CLVS2: variants seen among roughly 807,000 people sequenced by gnomAD.
The protein encoded by CLVS2 is clavesin 2.
A neutral mutation model predicts 29.0 loss-of-function variants in CLVS2; 19 were observed. The observed-to-expected ratio is 0.66, with a 90% CI of 0.46 to 0.96. CLVS2 has a LOEUF of 0.96. CLVS2 is among the 40% of genes least tolerant of loss of function. The probability of loss-of-function intolerance (pLI) is 0.00; values close to 1 mark genes in which losing one functional copy is unlikely to be tolerated. For missense variants in CLVS2, 294 were observed against 404.1 expected (o/e 0.73, Z 2.34); for synonymous variants, 161 against 151.3 (o/e 1.06, Z -0.47).
At chr6:123,026,285 T>G in intron 3 of CLVS2, among the ~76,000 whole-genome samples, 1 of 152,200 alleles carries the variant, frequency 6.6e-6, no homozygotes, top group Non-Finnish European at 1.5e-5. Context: ...TGAAATTTTC[T>G]TTTTTATTTT....
chr6:123,017,225 C>T (rs1188123010), intron 3 of CLVS2, among the ~76,000 whole-genome samples: 1 of 151,922 alleles, frequency 6.6e-6, no homozygotes, highest in East Asian at 1.9e-4. Flanking sequence ...GTGTTCTTTG[C>T]AGTGGTTGTT....
intron 3 of CLVS2, among the ~76,000 whole-genome samples, chr6:123,038,891 A>G (rs1055101941): frequency 1.3e-5 from 2 of 152,222 alleles, no homozygotes; most frequent in Non-Finnish European, 1.5e-5. Flanking sequence ...GCCCAAATTA[A>G]TGATAATTTT....
In CLVS2 at chr6:123,022,607, C is replaced by T. The variant is rs183906544; in HGVS notation, c.564+11448C>T. The stretch of plus-strand genomic sequence containing the variant: ...TGGATCCCCAGAGAGGTCTTTTTCC[C>T]CCCCCAGGGTAAAATATGGAAGAAA... On this transcript the variant is annotated intron_variant, in intron 3 of 5. Transcript: ENST00000275162. Among the ~76,000 whole-genome samples the T allele has an allele frequency of 2.3e-3, 345 of 151,982 alleles. 1 individual carries two copies. Among genetic ancestry groups the T allele is most frequent in the African/African-American group, 7.9e-3 (328 of 41,482 alleles).
At chr6:123,046,089 A>C (rs1376273365) in intron 3 of CLVS2, among the ~76,000 whole-genome samples, 1 of 152,104 alleles carries the variant, frequency 6.6e-6, no homozygotes, top group Non-Finnish European at 1.5e-5. Context: ...GAAAGAAAGA[A>C]ATCAAGGGCT....
chr6:123,009,038 C>T (rs1362122791), intron 2 of CLVS2, among the ~76,000 whole-genome samples: 3 of 152,126 alleles, frequency 2.0e-5, no homozygotes, highest in East Asian at 1.9e-4. Context: ...TAAACTATAT[C>T]TGTGCTTATC....
intron 3 of CLVS2, among the ~76,000 whole-genome samples, chr6:123,015,491 A>G (rs1427070378): frequency 6.6e-6 from 1 of 152,038 alleles, no homozygotes; most frequent in African/African-American, 2.4e-5. Context: ...AGCTGACCTC[A>G]AGGCTTGAGT....
chr6:123,015,703 G>A (rs943675586), intron 3 of CLVS2, among the ~76,000 whole-genome samples: 2 of 152,054 alleles, frequency 1.3e-5, no homozygotes, highest in African/African-American at 4.8e-5. Context: ...ACAAATGGCT[G>A]GCCTGTGGCT....
At chr6:123,036,611 C>T (rs1227576431) in intron 3 of CLVS2, among the ~76,000 whole-genome samples, 2 of 152,172 alleles carry the variant, frequency 1.3e-5, no homozygotes, top group Admixed American at 6.5e-5. Context: ...ATTAGCTAAA[C>T]TGAGGTACCA....
Position 123,072,793 on chromosome 6 carries a change from T to C in CLVS2, c.*9032T>C, listed in dbSNP as rs1772969739. ...GGATTTAACAATTTTACAAAGCAGA[T>C]CATTGTTTATTATATTCTGAAAACC... On this transcript the variant is annotated 3_prime_UTR_variant, in exon 6 of 6. Coordinates refer to ENST00000275162, the MANE Select transcript of CLVS2 (RefSeq NM_001010852.4). The C allele has an allele frequency of 1.3e-5, 2 of 152,150 alleles. No homozygotes were observed. Among genetic ancestry groups the C allele is most frequent in the Non-Finnish European group, 2.9e-5 (2 of 68,002 alleles). The allele number at this position is 152,150 out of a possible 1,614,324, so 9.4% of individuals were successfully genotyped here.
rs1482183735 is a variant in CLVS2 at position 123,071,564 on chromosome 6, C to T, written c.*7803C>T. On this transcript the variant is annotated 3_prime_UTR_variant, in exon 6 of 6. Coordinates refer to ENST00000275162, the MANE Select transcript of CLVS2 (RefSeq NM_001010852.4). Reference sequence around the variant, plus strand: ...CTTTATGGATTATCATGGTTAATTTCAATTTTTAAAAATATGCAGGAAGTT... The same window carrying T: ...CTTTATGGATTATCATGGTTAATTTTAATTTTTAAAAATATGCAGGAAGTT... The T allele has an allele frequency of 6.6e-6, 1 of 151,822 alleles. No homozygotes were observed. Among genetic ancestry groups the T allele is most frequent in the African/African-American group, 2.4e-5 (1 of 41,348 alleles). The allele number at this position is 151,822 out of a possible 1,614,324, so 9.4% of individuals were successfully genotyped here.
intron 5 of CLVS2, among the ~76,000 whole-genome samples, chr6:123,063,449 C>T (rs1772808162): frequency 6.6e-6 from 1 of 152,070 alleles, no homozygotes; most frequent in Non-Finnish European, 1.5e-5. Context: ...ATTGGCGGCT[C>T]ACTATTCTAT....
intron 4 of CLVS2, among the ~76,000 whole-genome samples, chr6:123,054,653 T>C (rs1001963827): frequency 6.6e-6 from 1 of 152,218 alleles, no homozygotes; most frequent in Non-Finnish European, 1.5e-5. Flanking sequence ...AATGAAATTA[T>C]TTTTATGACT....
rs1285343047 is a variant in CLVS2 at position 123,069,367 on chromosome 6, T to A, written c.*5606T>A. ...ATATGATGTGAAATTAAAAAAAAAA[T>A]TCAGCCTGATTTGAGAAAGAATGCT... On this transcript the variant is annotated 3_prime_UTR_variant, in exon 6 of 6. Transcript: ENST00000275162. The A allele has an allele frequency of 6.6e-6, 1 of 151,608 alleles. No homozygotes were observed. Among genetic ancestry groups the A allele is most frequent in the East Asian group, 1.9e-4 (1 of 5,176 alleles). The allele number at this position is 151,608 out of a possible 1,614,324, so 9.4% of individuals were successfully genotyped here. A position where few individuals can be genotyped will look rare whatever the true frequency, so the allele number is the denominator to read the frequency against.
At chr6:123,033,383 A>G (rs1260798086) in intron 3 of CLVS2, among the ~76,000 whole-genome samples, 1 of 152,090 alleles carries the variant, frequency 6.6e-6, no homozygotes, top group Non-Finnish European at 1.5e-5. Flanking sequence ...GATCAATAGA[A>G]CAGAGGACCC....
intron 3 of CLVS2, among the ~76,000 whole-genome samples, chr6:123,018,915 AC>A (rs1439213536): frequency 3.3e-5 from 5 of 152,078 alleles, no homozygotes; most frequent in Non-Finnish European, 5.9e-5. Flanking sequence ...GCTGTAACAA[AC>A]AAACCAAAAT....
At chr6:123,018,015 CTTG>C (rs975321591) in intron 3 of CLVS2, among the ~76,000 whole-genome samples, 6 of 152,048 alleles carry the variant, frequency 3.9e-5, no homozygotes, top group African/African-American at 1.4e-4. Flanking sequence ...GACAATGTGA[CTTG>C]TTATCATTTT....
Position 123,067,426 on chromosome 6 carries a change from G to A in CLVS2, c.*3665G>A, listed in dbSNP as rs908632569. 2.0e-5 allele frequency: 3 copies of A among 151,680 alleles called. No individual in the cohort carries two copies. The highest frequency in any genetic ancestry group is 6.6e-5 in the Admixed American group (1 of 15,172). The allele number at this position is 151,680 out of a possible 1,614,324, so 9.4% of individuals were successfully genotyped here. A position where few individuals can be genotyped will look rare whatever the true frequency, so the allele number is the denominator to read the frequency against. On this transcript the variant is annotated 3_prime_UTR_variant, in exon 6 of 6. Transcript: ENST00000275162. ...TAAAGAAGTTACATTAAGAAAGCTT[G>A]CTGAGAGGCTGTACACTCTTCTGTT...
In CLVS2 at chr6:123,039,479, T is replaced by C. The variant is rs1775198530; in HGVS notation, c.565-9143T>C. Among the ~76,000 whole-genome samples the C allele has an allele frequency of 2.6e-5, 4 of 152,218 alleles. No homozygotes were observed. The South Asian group carries it at 8.3e-4, about 32-fold the overall frequency. On this transcript the variant is annotated intron_variant, in intron 3 of 5. Transcript: ENST00000275162. ...CACATTTTTATAAGGCGGTAGTTTT[T>C]GCTCTGCGTTCTCTCCTGCTGTTGT...
chr6:123,057,827 C>A (rs1465369883), intron 5 of CLVS2, among the ~76,000 whole-genome samples: 30 of 152,128 alleles, frequency 2.0e-4, no homozygotes, highest in Non-Finnish European at 2.9e-5. Context: ...CTTCTTAACT[C>A]CCTTCTTTTA....
Sources: gnomAD v4.1 joint callset for allele counts (sites outside exome capture counted in the v4.1 genomes callset) on GRCh38, gnomAD v4.1.1 for gene constraint, MANE v1.5 for transcripts, NCBI Gene and HGNC (gene_info 2026-07-23, HGNC 2026-07-21) for gene names.